PHKB: variants seen among roughly 807,000 people sequenced by gnomAD.
PHKB encodes the protein phosphorylase kinase regulatory subunit beta.
A neutral mutation model predicts 152.1 loss-of-function variants in PHKB; 122 were observed. That is an observed-to-expected ratio of 0.80 (90% CI 0.69 to 0.93). The LOEUF (loss-of-function observed/expected upper bound fraction) is 0.93, where lower values mean the gene tolerates loss of function less well. Ranked by LOEUF, PHKB falls within the 40% of genes least tolerant of loss-of-function variation. The pLI is 0.00. For missense variants in PHKB, 1,304 were observed against 1,328.4 expected (o/e 0.98, Z 0.29); for synonymous variants, 436 against 464.9 (o/e 0.94, Z 0.80).
intron 7 of PHKB, among the ~76,000 whole-genome samples, chr16:47,556,740 T>A (rs550285566): frequency 1.3e-5 from 2 of 152,302 alleles, no homozygotes; most frequent in East Asian, 3.9e-4. Flanking sequence ...CTTTTTTGGT[T>A]GTGTCTCTGC....
chr16:47,483,155 C>T (rs1304226869), intron 1 of PHKB, among the ~76,000 whole-genome samples: 1 of 149,928 alleles, frequency 6.7e-6, no homozygotes, highest in Non-Finnish European at 1.5e-5. Context: ...TCTCATGCCT[C>T]AGCCTCCCGA....
intron 14 of PHKB, among the ~76,000 whole-genome samples, chr16:47,630,041 G>A (rs191590087): frequency 6.6e-6 from 1 of 152,026 alleles, no homozygotes; most frequent in African/African-American, 2.4e-5. Context: ...GGGGGAGGAG[G>A]GGGGGATGGC....
At chr16:47,467,639 CCATAT>C (rs1969690963) in intron 1 of PHKB, among the ~76,000 whole-genome samples, 1 of 152,088 alleles carries the variant, frequency 6.6e-6, no homozygotes. Flanking sequence ...GAAATAGAGG[CCATAT>C]CATATGACTT....
At chr16:47,477,852 A>T (rs1297313448) in intron 1 of PHKB, among the ~76,000 whole-genome samples, 1 of 152,212 alleles carries the variant, frequency 6.6e-6, no homozygotes, top group Admixed American at 6.5e-5. Context: ...CACCAGTAGC[A>T]TGTTTATTCC....
chr16:47,566,131 C>T, intron 7 of PHKB: 1 of 653,964 alleles, frequency 1.5e-6, no homozygotes. Context: ...CTGCCTTGGT[C>T]ATCATAGCGA....
chr16:47,610,847 A>C lies in PHKB; in HGVS notation c.1385A>C (p.Lys462Thr). The change falls in exon 14 of 31, where the codon AAA becomes ACA. Residue 462 changes from lysine (K) to threonine (T), a missense_variant. Transcript: ENST00000323584. ...KLLADELISP[K>T]DIDPVQRYVP... ...TCAGCTGATGAACTTATTAGTCCTA[A>C]AGACATTGATCCTGTCCAGCGCTAT... The C allele has an allele frequency of 6.2e-7, 1 of 1,606,882 alleles. No individual in the cohort carries two copies.
chr16:47,492,179 C>T (rs1000161847), intron 1 of PHKB, among the ~76,000 whole-genome samples: 1 of 152,120 alleles, frequency 6.6e-6, no homozygotes, highest in East Asian at 1.9e-4. Context: ...AACATTGCCA[C>T]GTGGTTGCAG....
At chr16:47,687,983 G>A (rs1483442459) in intron 26 of PHKB, among the ~76,000 whole-genome samples, 2 of 152,138 alleles carry the variant, frequency 1.3e-5, no homozygotes, top group Non-Finnish European at 2.9e-5. Context: ...AACCAGCATT[G>A]GCAGAAAGAA....
intron 14 of PHKB, among the ~76,000 whole-genome samples, chr16:47,629,500 T>C (rs12929949): frequency 0.038 from 5,718 of 151,448 alleles, 113 homozygotes; most frequent in Middle Eastern, 0.068. Flanking sequence ...GTTAGAATGG[T>C]GATCATTAAA....
At chr16:47,566,065 C>A in intron 7 of PHKB, 1 of 666,980 alleles carries the variant, frequency 1.5e-6, no homozygotes. Context: ...TACCCACTGC[C>A]AAATGCTTTT....
chr16:47,498,195 T>TA, intron 2 of PHKB, among the ~76,000 whole-genome samples: 1 of 152,350 alleles, frequency 6.6e-6, no homozygotes, highest in East Asian at 1.9e-4. Flanking sequence ...ACTTCAATCT[T>TA]ACTTCTTTTG....
At chr16:47,545,345 C>G (rs1030234096) in intron 6 of PHKB, among the ~76,000 whole-genome samples, 3 of 152,140 alleles carry the variant, frequency 2.0e-5, no homozygotes, top group African/African-American at 7.2e-5. Flanking sequence ...TTCTCCTTCA[C>G]TTATGAAGCT....
chr16:47,619,751 G>A (rs903821344), intron 14 of PHKB, among the ~76,000 whole-genome samples: 1 of 152,224 alleles, frequency 6.6e-6, no homozygotes, highest in Non-Finnish European at 1.5e-5. Flanking sequence ...CTTGAAGAGT[G>A]TTTGTTTCCA....
chr16:47,639,751 T>A (rs1972984533), intron 14 of PHKB, among the ~76,000 whole-genome samples: 1 of 152,216 alleles, frequency 6.6e-6, no homozygotes, highest in Non-Finnish European at 1.5e-5. Flanking sequence ...TTTCATTTGC[T>A]TTTTATTTAA....
At chr16:47,572,545 G>A (rs777484018) in intron 7 of PHKB, among the ~76,000 whole-genome samples, 63 of 152,148 alleles carry the variant, frequency 4.1e-4, no homozygotes, top group Non-Finnish European at 8.4e-4. Context: ...ACAGGTCTGC[G>A]GAATGTGTAA....
intron 4 of PHKB, among the ~76,000 whole-genome samples, chr16:47,504,367 C>A (rs572557833): frequency 6.6e-6 from 1 of 152,298 alleles, no homozygotes; most frequent in South Asian, 2.1e-4. Context: ...TAGCACTCAC[C>A]AAAGTTCCAG....
intron 20 of PHKB, among the ~76,000 whole-genome samples, chr16:47,652,030 GTTTTCTTTT>G (rs1274793056): frequency 1.3e-5 from 2 of 151,840 alleles, no homozygotes; most frequent in East Asian, 3.9e-4. Flanking sequence ...TCAACTAGAG[GTTTTCTTTT>G]TTTTCTTCAA....
At chr16:47,696,659 G>A (rs1024839623) in intron 29 of PHKB, among the ~76,000 whole-genome samples, 171 bp downstream of exon 29, 4 of 151,998 alleles carry the variant, frequency 2.6e-5, no homozygotes, top group African/African-American at 4.8e-5. Flanking sequence ...TCTCCCAGCC[G>A]AGTCCTCAAG....
chr16:47,535,439 G>A (rs921813762), intron 6 of PHKB, among the ~76,000 whole-genome samples: 2 of 151,976 alleles, frequency 1.3e-5, no homozygotes, highest in African/African-American at 4.8e-5. Context: ...TAAATTTCTT[G>A]TTAACAAATT....
Sources: gnomAD v4.1 joint callset for allele counts (sites outside exome capture counted in the v4.1 genomes callset) on GRCh38, gnomAD v4.1.1 for gene constraint, MANE v1.5 for transcripts, NCBI Gene and HGNC (gene_info 2026-07-23, HGNC 2026-07-21) for gene names.